Variants in DCP1A observed in about 807,000 individuals in gnomAD.
The protein encoded by DCP1A is mRNA-decapping enzyme 1A.
In DCP1A, 20 loss-of-function variants were observed where a neutral mutation model predicts 58.0. The observed-to-expected ratio is 0.34, with a 90% CI of 0.24 to 0.50. The LOEUF (loss-of-function observed/expected upper bound fraction) is 0.50. Among genes scored for constraint, DCP1A ranks in the 20% least tolerant of loss-of-function variants. The pLI is 0.98. For missense variants in DCP1A, 613 were observed against 712.2 expected, an observed-to-expected ratio of 0.86 and a Z score of 1.59; for synonymous variants, 285 against 275.1, an observed-to-expected ratio of 1.04 and a Z score of -0.36.
At chr3:53,315,319 C>G (rs1299833967) in intron 4 of DCP1A, among the ~76,000 whole-genome samples, 3 of 151,960 alleles carry the variant, frequency 2.0e-5, no homozygotes, top group Non-Finnish European at 4.4e-5. Context: ...GTGGGTGGAT[C>G]ATGAGGTCAG....
intron 4 of DCP1A, among the ~76,000 whole-genome samples, chr3:53,314,788 CAGCCTCCCTAGT>C (rs2106840661): frequency 6.6e-6 from 1 of 150,470 alleles, no homozygotes; most frequent in African/African-American, 2.4e-5. Context: ...TCTCGTGCCT[CAGCCTCCCTAGT>C]AGCTGGGATT....
At position 53,325,628 on chromosome 3, in the gene DCP1A, T is replaced by A. The variant is rs185231211; in HGVS notation, c.305-6155A>T. Among the ~76,000 whole-genome samples the A allele has an allele frequency of 1.2e-3, 185 of 152,280 alleles. 2 individuals are homozygous for A. The highest frequency in any genetic ancestry group is 3.8e-3 in the African/African-American group (160 of 41,568). On this transcript the variant is annotated intron_variant, in intron 3 of 9. Transcript: ENST00000610213. ...TTTATATAGAAAAATGGAATAGGTA[T>A]ATAAACATAAGTCAGGCCTGGCAAG...
intron 6 of DCP1A, among the ~76,000 whole-genome samples, chr3:53,300,525 G>A (rs1553687306): frequency 6.6e-6 from 1 of 152,072 alleles, no homozygotes; most frequent in Non-Finnish European, 1.5e-5. Flanking sequence ...ATTTAGTAGA[G>A]ATGGGGTTTC....
At chr3:53,319,063 T>C (rs543140480) in intron 4 of DCP1A, among the ~76,000 whole-genome samples, 2 of 152,286 alleles carry the variant, frequency 1.3e-5, no homozygotes, top group African/African-American at 4.8e-5. Flanking sequence ...GCAGCTGTCA[T>C]AAATACTACA....
intron 5 of DCP1A, among the ~76,000 whole-genome samples, chr3:53,309,563 G>C (rs1707583140): frequency 6.6e-6 from 1 of 152,098 alleles, no homozygotes; most frequent in African/African-American, 2.4e-5. Flanking sequence ...AGCTTGTCAA[G>C]ATCAGCCAGG....
At chr3:53,302,407 A>G (rs1236164014) in intron 6 of DCP1A, among the ~76,000 whole-genome samples, 1 of 152,234 alleles carries the variant, frequency 6.6e-6, no homozygotes, top group Non-Finnish European at 1.5e-5. Flanking sequence ...TGCTAAGGAT[A>G]CAGCAATGAA....
chr3:53,287,707 C>T, intron 9 of DCP1A, 47 bp from the exon 10 acceptor site: 3 of 1,383,484 alleles, frequency 2.2e-6, no homozygotes, highest in Non-Finnish European at 2.1e-6. Context: ...ACATTTACCT[C>T]ATCAGATTTT....
At chr3:53,346,167 G>T (rs2089289299) in intron 1 of DCP1A, among the ~76,000 whole-genome samples, 1 of 152,082 alleles carries the variant, frequency 6.6e-6, no homozygotes, top group South Asian at 2.1e-4. Flanking sequence ...AAAGAAAAAA[G>T]ATTCATAAAA....
chr3:53,320,072 G>A (rs1707918232), intron 3 of DCP1A, among the ~76,000 whole-genome samples: 1 of 151,500 alleles, frequency 6.6e-6, no homozygotes, highest in African/African-American at 2.4e-5. Flanking sequence ...TGGTTGCAGT[G>A]AGCCGAGATC....
chr3:53,307,372 G>C (rs536487982), intron 5 of DCP1A, among the ~76,000 whole-genome samples: 3 of 152,142 alleles, frequency 2.0e-5, no homozygotes, highest in African/African-American at 7.2e-5. Context: ...GCTGGATAAG[G>C]TTGCAAAACC....
chr3:53,342,081 T>C (rs2089215376), intron 3 of DCP1A, 63 bp downstream of exon 3: 7 of 1,386,574 alleles, frequency 5.0e-6, no homozygotes, highest in African/African-American at 1.5e-5. Flanking sequence ...AAATAATGGA[T>C]TGATAGAAAC....
chr3:53,293,581 C>T (rs547911585), intron 6 of DCP1A, among the ~76,000 whole-genome samples: 4 of 152,220 alleles, frequency 2.6e-5, no homozygotes, highest in African/African-American at 9.6e-5. Context: ...GTGGGAGACA[C>T]ACCTAAGCAC....
chr3:53,323,413 A>C (rs191934043), intron 3 of DCP1A, among the ~76,000 whole-genome samples: 2 of 152,318 alleles, frequency 1.3e-5, no homozygotes, highest in Non-Finnish European at 1.5e-5. Context: ...AAAAGACTCC[A>C]TATATGGCAA....
chr3:53,323,592 G>A (rs1553690258), intron 3 of DCP1A, among the ~76,000 whole-genome samples: 1 of 152,174 alleles, frequency 6.6e-6, no homozygotes, highest in Non-Finnish European at 1.5e-5. Flanking sequence ...ATGCGGCCGG[G>A]TGCAGTGGCT....
intron 6 of DCP1A, among the ~76,000 whole-genome samples, chr3:53,302,663 C>T: frequency 6.6e-6 from 1 of 152,312 alleles, no homozygotes; most frequent in African/African-American, 2.4e-5. Flanking sequence ...TGCTCTGTCG[C>T]CTAGGCTGGA....
chr3:53,288,354 G>T, intron 8 of DCP1A, 71 bp from the exon 9 acceptor site: 1 of 1,212,216 alleles, frequency 8.2e-7, no homozygotes, highest in Non-Finnish European at 1.2e-6. Flanking sequence ...TAGGGACCAT[G>T]TGGAAACAGG....
At chr3:53,344,981 T>A (rs1341812207) in intron 1 of DCP1A, 39 bp from the exon 2 acceptor site, 1 of 1,511,714 alleles carries the variant, frequency 6.6e-7, no homozygotes, top group African/African-American at 1.4e-5. Context: ...TTTTTCCCCA[T>A]AATCAGACCC....
At chr3:53,315,023 G>C (rs1707760615) in intron 4 of DCP1A, among the ~76,000 whole-genome samples, 1 of 152,070 alleles carries the variant, frequency 6.6e-6, no homozygotes, top group Non-Finnish European at 1.5e-5. Context: ...AAGCTGTCGG[G>C]GGTGGTAATG....
chr3:53,307,170 A>T (rs1476735211), intron 5 of DCP1A, among the ~76,000 whole-genome samples: 3 of 151,838 alleles, frequency 2.0e-5, no homozygotes, highest in African/African-American at 4.8e-5. Flanking sequence ...GCTGGTCTTG[A>T]ACTCCTGACC....
Sources: gnomAD v4.1 joint callset for allele counts (sites outside exome capture counted in the v4.1 genomes callset) on GRCh38, gnomAD v4.1.1 for gene constraint, MANE v1.5 for transcripts, NCBI Gene and HGNC (gene_info 2026-07-23, HGNC 2026-07-21) for gene names.